The following TSC2 variants were observed in gnomAD, a reference collection of about 807,000 sequenced individuals.
TSC2 encodes the protein tuberin.
TSC2 carries 29 observed loss-of-function variants against 202.2 expected under a neutral mutation model. The ratio of observed to expected loss-of-function variants is 0.14; its 90% CI spans 0.11 to 0.20. TSC2 has a LOEUF of 0.20. Among genes scored for constraint, TSC2 ranks in the 10% least tolerant of loss-of-function variants. The pLI is 1.00. For synonymous variants in TSC2, 1,349 were observed against 1,044.0 expected, an observed-to-expected ratio of 1.29 and a Z score of -5.63; for missense variants, 2,429 against 2,420.0, an observed-to-expected ratio of 1.00 and a Z score of -0.08.
In TSC2 at chr16:2,071,585, C is replaced by T. The variant is rs766451267; in HGVS notation, c.1915C>T (p.Arg639Trp). 3.2e-5 allele frequency: 52 copies of T among 1,613,438 alleles called. No individual in the cohort carries two copies. The highest frequency in any genetic ancestry group is 3.5e-5 in the Non-Finnish European group (41 of 1,180,026). The change falls in exon 18 of 42, where the codon CGG becomes TGG. Residue 639 changes from arginine (R) to tryptophan (W), a missense_variant. Transcript: ENST00000219476. Reference sequence around the variant, plus strand: ...CCTGCCCAACAAGGATGGAGTCGTGCGGTTCAGCCCCTACTGCGTCTGCGA... The same window carrying T: ...CCTGCCCAACAAGGATGGAGTCGTGTGGTTCAGCCCCTACTGCGTCTGCGA... ...LGLPNKDGVVRFSPYCVCDYM... is the reference protein window; with the variant it reads ...LGLPNKDGVVWFSPYCVCDYM...
chr16:2,058,362 C>T (rs1224705339), intron 9 of TSC2, among the ~76,000 whole-genome samples: 1 of 152,256 alleles, frequency 6.6e-6, no homozygotes, highest in African/African-American at 2.4e-5. Flanking sequence ...ACTCCCCCAC[C>T]TCCCTGAGTA....
In TSC2 at chr16:2,079,002, C is replaced by A. The variant is rs1596381848; in HGVS notation, c.2967-30C>A. ...TGGCTCGGCCCGCCCTACCTGGCAC[C>A]CTGACCCTGGTCACGGCCTCTCCCT... On this transcript the variant is annotated intron_variant, in intron 26 of 41. Transcript: ENST00000219476. This position sits in a 1 kb window ranked among gnomAD's most constrained non-coding sequence, Gnocchi z 4.6. The A allele has an allele frequency of 2.5e-6, 4 of 1,611,420 alleles. No individual in the cohort carries two copies. The East Asian group carries it at 8.9e-5, about 36-fold the overall frequency.
intron 36 of TSC2, among the ~76,000 whole-genome samples, 193 bp from the exon 37 acceptor site, chr16:2,086,000 C>T (rs923685612): frequency 1.3e-5 from 2 of 152,158 alleles, no homozygotes; most frequent in African/African-American, 4.8e-5. Flanking sequence ...CAGGCACACA[C>T]GGGGCTGAGG....
chr16:2,075,233 A>AG, intron 22 of TSC2: 1 of 155,396 alleles, frequency 6.4e-6, no homozygotes, highest in South Asian at 1.8e-4. Flanking sequence ...AAAAAAAAAA[A>AG]AGAGAGAAGT....
In TSC2 at chr16:2,075,793, C is replaced by G. The variant is rs372088609; in HGVS notation, c.2546-6C>G. On this transcript the variant is annotated splice_polypyrimidine_tract_variant and splice_region_variant and intron_variant, in intron 22 of 41. Coordinates refer to ENST00000219476, the MANE Select transcript of TSC2 (RefSeq NM_000548.5). ...GCTCCCCTGACCACCCTCTCCATTACCGCAGCTCTGGCCAGGCTGCCGCAC... is the reference window on the plus strand; with the variant it reads ...GCTCCCCTGACCACCCTCTCCATTAGCGCAGCTCTGGCCAGGCTGCCGCAC... 6.2e-7 allele frequency: 1 copy of G among 1,612,312 alleles called. No homozygotes were observed.
In TSC2 at chr16:2,080,201, C is replaced by T. The variant is rs397515162; in HGVS notation, c.3434C>T (p.Pro1145Leu). The part of the protein sequence containing the change: ...HGLRVGALDV[P>L]ASQFLGSATS... ...CTTCGAGTTGGCGCCCTGGACGTGC[C>T]GGCCTCCCAGTTCCTGGGCAGTGCC... The change falls in exon 30 of 42, where the codon CCG becomes CTG. Residue 1145 changes from proline to leucine, a missense_variant. By Grantham distance (98) the Pro-to-Leu change is moderately conservative (BLOSUM62 -3). Coordinates refer to ENST00000219476, the MANE Select transcript of TSC2 (RefSeq NM_000548.5). 2.6e-5 allele frequency: 42 copies of T among 1,612,850 alleles called. 1 individual carries two copies. Among genetic ancestry groups the T allele is most frequent in the South Asian group, 1.3e-4 (12 of 91,088 alleles).
chr16:2,082,535 G>A (rs749359370), intron 32 of TSC2, 31 bp downstream of exon 32: 4 of 1,606,280 alleles, frequency 2.5e-6, no homozygotes, highest in East Asian at 4.5e-5. Context: ...GCGGTTGGCT[G>A]CAGAGCGCCA....
intron 30 of TSC2, chr16:2,080,700 G>A (rs976139713): frequency 4.1e-5 from 14 of 337,484 alleles, no homozygotes; most frequent in South Asian, 1.4e-4. Flanking sequence ...TAGCCAGGAT[G>A]GTCTCAATCT....
chr16:2,060,850 A>G lies in TSC2; in HGVS notation c.1119+37A>G, dbSNP rs567632883. On this transcript the variant is annotated intron_variant, in intron 11 of 41. Coordinates refer to ENST00000219476, the MANE Select transcript of TSC2 (RefSeq NM_000548.5). Reference sequence around the variant, plus strand: ...GCAGGAGCTCCGGGGAGCACCGGGAACCCAGACAGGCAGGCTCGGCCCACT... The same window carrying G: ...GCAGGAGCTCCGGGGAGCACCGGGAGCCCAGACAGGCAGGCTCGGCCCACT... The G allele has an allele frequency of 1.7e-5, 28 of 1,610,144 alleles. No individual in the cohort carries two copies. The East Asian group carries it at 6.2e-4, about 36-fold the overall frequency.
intron 38 of TSC2, 25 bp from the exon 39 acceptor site, chr16:2,087,838 A>T (rs2151610088): frequency 1.2e-6 from 2 of 1,611,888 alleles, no homozygotes; most frequent in Non-Finnish European, 1.7e-6. Flanking sequence ...GTGTGCGGGG[A>T]TGACCCTTTC....
intron 16 of TSC2, among the ~76,000 whole-genome samples, chr16:2,070,226 C>T (rs1417267597): frequency 2.0e-5 from 3 of 152,240 alleles, no homozygotes; most frequent in Non-Finnish European, 2.9e-5. Flanking sequence ...ATTGAATGGA[C>T]TCTTCCTCAC....
chr16:2,086,901 C>T (rs756548063), intron 38 of TSC2, 30 bp downstream of exon 38: 1 of 1,559,034 alleles, frequency 6.4e-7, no homozygotes, highest in Admixed American at 1.9e-5. Flanking sequence ...TGAGGCTGGG[C>T]CCCAGGCAGG....
At chr16:2,056,382 G>A in intron 7 of TSC2, 138 bp downstream of exon 7, 1 of 1,281,178 alleles carries the variant, frequency 7.8e-7, no homozygotes, top group South Asian at 1.3e-5. Flanking sequence ...AGCCTCAGGA[G>A]TCCCCCATGT....
At chr16:2,064,573 C>G in intron 15 of TSC2, 146 bp downstream of exon 15, 1 of 1,273,992 alleles carries the variant, frequency 7.8e-7, no homozygotes, top group South Asian at 1.3e-5. Flanking sequence ...GTGGGTGTCC[C>G]GAGGCCTGTG....
chr16:2,057,093 T>C lies in TSC2; in HGVS notation c.775-12T>C, dbSNP rs753920940. The C allele has an allele frequency of 2.3e-5, 36 of 1,551,042 alleles. No homozygotes were observed. In the South Asian group the frequency reaches 3.1e-4, roughly 13 times the overall value. On this transcript the variant is annotated splice_polypyrimidine_tract_variant and intron_variant, in intron 8 of 41. Transcript: ENST00000219476. ...ATGCCTGCCAGCCCCTGACACGCAT[T>C]GTGTCTCGCAGCTGATGCGGAACCT...
In TSC2 at chr16:2,086,883, G is replaced by A. The variant is rs1343916460; in HGVS notation, c.4989+12G>A. ...TTGGCACCATCAAGGTGAGTGAGGG[G>A]CCGTCAGTGAGGCTGGGCCCCAGGC... On this transcript the variant is annotated intron_variant, in intron 38 of 41. Coordinates refer to ENST00000219476, the MANE Select transcript of TSC2 (RefSeq NM_000548.5). The A allele has an allele frequency of 1.3e-6, 2 of 1,572,286 alleles. No homozygotes were observed. The highest frequency in any genetic ancestry group is 8.6e-7 in the Non-Finnish European group (1 of 1,160,240).
intron 2 of TSC2, among the ~76,000 whole-genome samples, chr16:2,049,027 G>A (rs1192834840): frequency 2.0e-5 from 3 of 152,192 alleles, no homozygotes; most frequent in Non-Finnish European, 4.4e-5. Context: ...ATCTTCACAG[G>A]TAAGGATATG....
rs1204839285 is a variant in TSC2, at chr16:2,065,642, G to A, written c.1716+7G>A. 4 of 1,612,342 alleles carry A rather than the reference G, an allele frequency of 2.5e-6. No homozygotes were observed. Among genetic ancestry groups the A allele is most frequent in the Non-Finnish European group, 3.4e-6 (4 of 1,179,086 alleles). ...GCTTCTGGTCATCCTTCAGGTGGGTGTTCTGCACGAGGCCTCTGCTCCCGG... is the reference window on the plus strand; with the variant it reads ...GCTTCTGGTCATCCTTCAGGTGGGTATTCTGCACGAGGCCTCTGCTCCCGG... On this transcript the variant is annotated splice_region_variant and intron_variant, in intron 16 of 41. Coordinates refer to ENST00000219476, the MANE Select transcript of TSC2 (RefSeq NM_000548.5).
intron 16 of TSC2, among the ~76,000 whole-genome samples, chr16:2,065,876 G>A (rs1013220082): frequency 2.6e-5 from 4 of 152,178 alleles, no homozygotes; most frequent in South Asian, 2.1e-4. Flanking sequence ...AGTCAGGGCC[G>A]GAACCATGTA....
Sources: allele counts gnomAD v4.1 joint callset (sites outside exome capture counted in the v4.1 genomes callset), GRCh38; gene constraint gnomAD v4.1.1; non-coding constraint Gnocchi (gnomAD v3.1); transcripts MANE v1.5; gene names NCBI Gene and HGNC (gene_info 2026-07-23, HGNC 2026-07-21).